The following KCND2 variants were observed in gnomAD, a reference collection of about 807,000 sequenced individuals.
KCND2 encodes the protein A-type voltage-gated potassium channel KCND2.
KCND2 carries 16 observed loss-of-function variants against 54.4 expected under a neutral mutation model. That is an observed-to-expected ratio of 0.29 (90% CI 0.20 to 0.45). KCND2 has a LOEUF of 0.45. KCND2 is among the 20% of genes least tolerant of loss of function. The pLI is 1.00. For missense variants in KCND2, 486 were observed against 824.2 expected (o/e 0.59, Z 5.02); for synonymous variants, 317 against 310.7 (o/e 1.02, Z -0.21).
intron 1 of KCND2, among the ~76,000 whole-genome samples, chr7:120,489,727 A>G (rs956312094): frequency 6.6e-6 from 1 of 152,206 alleles, no homozygotes; most frequent in African/African-American, 2.4e-5. Flanking sequence ...CAGTTAAAGA[A>G]AACACTTGAC....
At chr7:120,580,217 G>A (rs1792497756) in intron 1 of KCND2, among the ~76,000 whole-genome samples, 1 of 152,182 alleles carries the variant, frequency 6.6e-6, no homozygotes, top group South Asian at 2.1e-4. Flanking sequence ...TGTTTTCATA[G>A]AGTAAGAAAG....
chr7:120,294,277 G>A (rs1054708386), intron 1 of KCND2, among the ~76,000 whole-genome samples: 3 of 151,816 alleles, frequency 2.0e-5, no homozygotes, highest in Non-Finnish European at 4.4e-5. Flanking sequence ...GACTGATTAT[G>A]TTACTACTTT....
chr7:120,405,105 ATTATC>A (rs903592089), intron 1 of KCND2, among the ~76,000 whole-genome samples: 2 of 152,100 alleles, frequency 1.3e-5, no homozygotes, highest in African/African-American at 2.4e-5. Flanking sequence ...TATTTTATGA[ATTATC>A]TTAAGGAAGC....
chr7:120,685,846 G>A (rs567728304), intron 1 of KCND2, among the ~76,000 whole-genome samples: 1 of 152,292 alleles, frequency 6.6e-6, no homozygotes, highest in South Asian at 2.1e-4. Context: ...CTGATGCCAA[G>A]AGAAGCTCTT....
At chr7:120,300,659 C>A (rs1217288080) in intron 1 of KCND2, among the ~76,000 whole-genome samples, 2 of 151,946 alleles carry the variant, frequency 1.3e-5, no homozygotes, top group African/African-American at 4.8e-5. Flanking sequence ...ATTAATCTAA[C>A]AAAATGTAAA....
chr7:120,592,088 T>C (rs1792679237), intron 1 of KCND2, among the ~76,000 whole-genome samples: 1 of 152,152 alleles, frequency 6.6e-6, no homozygotes, highest in Non-Finnish European at 1.5e-5. Flanking sequence ...TGGCGGTGGA[T>C]GTAGTTGAGA....
Position 120,741,646 on chromosome 7 carries a change from C to G in KCND2, c.1374+17C>G. ...CAGCTGCAGGTACAATCAATTACATCTCTTTTTTTAATGTTCAATTTCTTG... is the reference window on the plus strand; with the variant it reads ...CAGCTGCAGGTACAATCAATTACATGTCTTTTTTTAATGTTCAATTTCTTG... On this transcript the variant is annotated intron_variant, in intron 3 of 5. Transcript: ENST00000331113. The G allele has an allele frequency of 6.5e-7, 1 of 1,540,208 alleles. No homozygotes were observed. Among genetic ancestry groups the G allele is most frequent in the Non-Finnish European group, 9.0e-7 (1 of 1,113,308 alleles).
chr7:120,341,757 C>G (rs1475471989), intron 1 of KCND2, among the ~76,000 whole-genome samples: 1 of 151,920 alleles, frequency 6.6e-6, no homozygotes, highest in Non-Finnish European at 1.5e-5. Flanking sequence ...TTGAAATTGC[C>G]AATAACTAAA....
At chr7:120,712,420 C>T (rs1336095964) in intron 1 of KCND2, among the ~76,000 whole-genome samples, 11 of 150,870 alleles carry the variant, frequency 7.3e-5, no homozygotes, top group Non-Finnish European at 1.2e-4. Flanking sequence ...CCCGCTACCA[C>T]GCCCATTTTT....
intron 1 of KCND2, among the ~76,000 whole-genome samples, chr7:120,526,748 T>C (rs917409428): frequency 6.6e-6 from 1 of 152,174 alleles, no homozygotes; most frequent in African/African-American, 2.4e-5. Context: ...ATAATTGTTT[T>C]ACATAAGTTT....
At chr7:120,456,799 A>G (rs554203835) in intron 1 of KCND2, among the ~76,000 whole-genome samples, 1 of 152,260 alleles carries the variant, frequency 6.6e-6, no homozygotes, top group East Asian at 1.9e-4. Flanking sequence ...CAGCTCCACT[A>G]GGCAGTGCCC....
intron 1 of KCND2, among the ~76,000 whole-genome samples, chr7:120,461,894 A>G (rs1266602493): frequency 6.6e-6 from 1 of 152,148 alleles, no homozygotes. Context: ...AAATTTTAAA[A>G]TATACTCAAG....
intron 1 of KCND2, among the ~76,000 whole-genome samples, chr7:120,373,377 A>G (rs1371903637): frequency 1.3e-5 from 2 of 151,926 alleles, no homozygotes; most frequent in African/African-American, 4.8e-5. Flanking sequence ...CAGAATAGCC[A>G]GTGTACATTC....
At chr7:120,645,024 C>A (rs1332545550) in intron 1 of KCND2, among the ~76,000 whole-genome samples, 1 of 152,044 alleles carries the variant, frequency 6.6e-6, no homozygotes, top group East Asian at 1.9e-4. Flanking sequence ...TTTAATGTCT[C>A]TCTGTGCCTA....
intron 1 of KCND2, among the ~76,000 whole-genome samples, chr7:120,674,787 T>C (rs1279094685): frequency 6.6e-6 from 1 of 152,224 alleles, no homozygotes; most frequent in East Asian, 1.9e-4. Flanking sequence ...CCTCAAACTT[T>C]GTATTGCTTT....
chr7:120,351,124 A>G (rs1003548504), intron 1 of KCND2, among the ~76,000 whole-genome samples: 2 of 151,118 alleles, frequency 1.3e-5, no homozygotes, highest in Admixed American at 6.6e-5. Flanking sequence ...ACAAAGTTGT[A>G]GAAAGCTTAT....
At chr7:120,723,178 C>A (rs1011980867) in intron 1 of KCND2, among the ~76,000 whole-genome samples, 2 of 152,154 alleles carry the variant, frequency 1.3e-5, no homozygotes, top group South Asian at 4.1e-4. Flanking sequence ...GGACGGAAAA[C>A]CAAAACATGC....
rs114233369 is a variant in KCND2, at chr7:120,696,260, A to T, written c.1116-36643A>T. On this transcript the variant is annotated intron_variant, in intron 1 of 5. Coordinates refer to ENST00000331113, the MANE Select transcript of KCND2 (RefSeq NM_012281.3). ...GGAAATCATTTCACTGTATTAAAAT[A>T]CATTTTTTCCTCAAGAGAAAAATAC... Among the ~76,000 whole-genome samples, 1,182 of 152,360 alleles carry T rather than the reference A, an allele frequency of 7.8e-3. 12 individuals carry two copies. The highest frequency in any genetic ancestry group is 0.027 in the African/African-American group (1,105 of 41,582).
chr7:120,457,031 C>T (rs1802209958), intron 1 of KCND2, among the ~76,000 whole-genome samples: 1 of 152,252 alleles, frequency 6.6e-6, no homozygotes, highest in African/African-American at 2.4e-5. Flanking sequence ...AAACTTGGGG[C>T]TTGCACCCTC....
Sources: gnomAD v4.1 joint callset for allele counts (sites outside exome capture counted in the v4.1 genomes callset) on GRCh38, gnomAD v4.1.1 for gene constraint, MANE v1.5 for transcripts, NCBI Gene and HGNC (gene_info 2026-07-23, HGNC 2026-07-21) for gene names.